Variants in CFAP97 observed in about 807,000 individuals in gnomAD.
CFAP97 encodes cilia and flagella associated protein 97, also known as cilia- and flagella-associated protein 97.
Under a neutral mutation model 43.1 loss-of-function variants are expected in CFAP97, and 36 were observed. That is an observed-to-expected ratio of 0.84 (90% CI 0.64 to 1.10). The LOEUF is 1.10. CFAP97 is among the 50% of genes least tolerant of loss of function. The pLI is 0.00. For synonymous variants in CFAP97, 228 were observed against 225.7 expected, an observed-to-expected ratio of 1.01 and a Z score of -0.09; for missense variants, 657 against 620.3, an observed-to-expected ratio of 1.06 and a Z score of -0.63.
At chr4:185,170,694 A>G (rs1579232788) in intron 3 of CFAP97, among the ~76,000 whole-genome samples, 1 of 151,596 alleles carries the variant, frequency 6.6e-6, no homozygotes, top group East Asian at 2.0e-4. Context: ...GTTTTTATGA[A>G]CTGCCTTAGG....
At chr4:185,191,514 C>T (rs1736254010) in intron 1 of CFAP97, among the ~76,000 whole-genome samples, 1 of 152,070 alleles carries the variant, frequency 6.6e-6, no homozygotes, top group African/African-American at 2.4e-5. Flanking sequence ...GGATAATCTG[C>T]CTTCTATAAA....
chr4:185,180,176 C>T (rs1483361590), intron 2 of CFAP97, among the ~76,000 whole-genome samples: 3 of 151,902 alleles, frequency 2.0e-5, no homozygotes, highest in Non-Finnish European at 4.4e-5. Flanking sequence ...TATTTTTTTC[C>T]CAATTCTGTT....
intron 1 of CFAP97, among the ~76,000 whole-genome samples, chr4:185,191,743 T>C (rs3108236): frequency 0.51 from 76,676 of 151,802 alleles, 19,581 homozygotes; most frequent in East Asian, 0.6. Context: ...AGCAGGAGAA[T>C]TGCTTGAACC....
intron 3 of CFAP97, among the ~76,000 whole-genome samples, chr4:185,174,197 C>T (rs1340368016): frequency 6.6e-6 from 1 of 151,736 alleles, no homozygotes; most frequent in African/African-American, 2.4e-5. Flanking sequence ...TTATTAAATG[C>T]GATCGGCCCA....
At chr4:185,170,046 G>A in intron 3 of CFAP97, 1 of 1,182,906 alleles carries the variant, frequency 8.5e-7, no homozygotes, top group South Asian at 4.0e-5. Flanking sequence ...CCACATAAGA[G>A]TTCTGAAGTT....
At chr4:185,203,482 G>A (rs1218626393) in intron 1 of CFAP97, among the ~76,000 whole-genome samples, 1 of 152,204 alleles carries the variant, frequency 6.6e-6, no homozygotes, top group East Asian at 1.9e-4. Flanking sequence ...CTGTTTCCAG[G>A]AACGCTAGGC....
Position 185,190,521 on chromosome 4 carries a change from C to T in CFAP97, c.676G>A (p.Gly226Arg). Residue 226 changes from glycine to arginine, a missense_variant, in exon 2 of 5, where the codon GGA becomes AGA. Physicochemically the swap from Gly to Arg is moderately radical, Grantham distance 125. Coordinates refer to ENST00000458385, the MANE Select transcript of CFAP97 (RefSeq NM_020827.3). ...LLSPKHKYKS[G>R]IKSTETQPSS... ...GGCTGTGTTTCTGTCGATTTTATTC[C>T]TGATTTATACTTGTGTTTTGGTGAC... The T allele has an allele frequency of 6.2e-7, 1 of 1,613,862 alleles. No individual in the cohort carries two copies. The highest frequency in any genetic ancestry group is 8.5e-7 in the Non-Finnish European group (1 of 1,179,848).
At chr4:185,206,480 T>C (rs901071406), upstream of CFAP97, among the ~76,000 whole-genome samples, 1 of 76,620 alleles carries the variant, frequency 1.3e-5, no homozygotes, top group African/African-American at 7.6e-5. Flanking sequence ...ACCAGCCCGA[T>C]GAACCCCATC....
chr4:185,186,374 A>G (rs1193119342), intron 2 of CFAP97, among the ~76,000 whole-genome samples: 2 of 152,162 alleles, frequency 1.3e-5, no homozygotes, highest in Non-Finnish European at 2.9e-5. Flanking sequence ...CAGAGGTTGC[A>G]GTGAGCCAAG....
upstream of CFAP97, among the ~76,000 whole-genome samples, chr4:185,206,660 C>CAAAAAAAAA (rs375061067): frequency 3.1e-4 from 24 of 77,408 alleles, no homozygotes; most frequent in African/African-American, 5.6e-4. Context: ...ACTCTTGTCT[C>CAAAAAAAAA]AAAAAAAAAA....
At position 185,190,901 on chromosome 4, in the gene CFAP97, C is replaced by T; in HGVS notation, c.296G>A (p.Arg99Lys). 6.2e-7 allele frequency: 1 copy of T among 1,613,154 alleles called. No individual in the cohort carries two copies. Among genetic ancestry groups the T allele is most frequent in the Non-Finnish European group, 8.5e-7 (1 of 1,179,512 alleles). ...VSSFSLPASS[R>K]SKKLCDVTTG... Reference sequence around the variant, plus strand: ...TGTAACATCACACAATTTTTTTGATCTTGAAGAGGCTGGCAATGAGAAAGA... The same window carrying T: ...TGTAACATCACACAATTTTTTTGATTTTGAAGAGGCTGGCAATGAGAAAGA... Residue 99 changes from arginine to lysine, a missense_variant, in exon 2 of 5, where the codon AGA (arginine) becomes AAA (lysine). Coordinates refer to ENST00000458385, the MANE Select transcript of CFAP97 (RefSeq NM_020827.3).
At position 185,190,878 on chromosome 4, in the gene CFAP97, T is replaced by C. The variant is rs373148080; in HGVS notation, c.319A>G (p.Thr107Ala). The change falls in exon 2 of 5, where the codon ACA becomes GCA. Residue 107 changes from threonine (T) to alanine (A), a missense_variant. By Grantham distance (58) the Thr-to-Ala change is moderately conservative. Coordinates refer to ENST00000458385, the MANE Select transcript of CFAP97 (RefSeq NM_020827.3). ...SSRSKKLCDVTTGLKIHVSIP... is the reference protein window; with the variant it reads ...SSRSKKLCDVATGLKIHVSIP... Reference sequence around the variant, plus strand: ...GACACGTGTATTTTAAGTCCTGTTGTAACATCACACAATTTTTTTGATCTT... The same window carrying C: ...GACACGTGTATTTTAAGTCCTGTTGCAACATCACACAATTTTTTTGATCTT... The C allele has an allele frequency of 1.4e-5, 23 of 1,612,736 alleles. No individual in the cohort carries two copies. The highest frequency in any genetic ancestry group is 2.2e-5 in the East Asian group (1 of 44,880).
rs184288013 is a variant in CFAP97 at position 185,181,291 on chromosome 4, A to C, written c.1055-5240T>G. Among the ~76,000 whole-genome samples the C allele has an allele frequency of 1.3e-4, 19 of 151,514 alleles. No individual in the cohort carries two copies. In the Middle Eastern group the frequency reaches 0.01, roughly 82 times the overall value. The stretch of plus-strand genomic sequence containing the variant: ...AATAAAAATAAAAAAAAATTAATTA[A>C]ATAAAAAGCAAATCAAGGCATAATC... On this transcript the variant is annotated intron_variant, in intron 2 of 4. Transcript: ENST00000458385.
chr4:185,173,363 A>T (rs1318008514), intron 3 of CFAP97, among the ~76,000 whole-genome samples: 1 of 7,672 alleles, frequency 1.3e-4, no homozygotes, highest in African/African-American at 1.4e-4. Context: ...TCCGTCTCTT[A>T]AAAAAAAAAA....
At chr4:185,175,762 T>C (rs945000520) in intron 3 of CFAP97, 24 bp downstream of exon 3, 1 of 1,602,218 alleles carries the variant, frequency 6.2e-7, no homozygotes, top group African/African-American at 1.3e-5. Context: ...TTTTCTTTGA[T>C]GACTAATTAT....
chr4:185,194,346 G>A (rs971430817), intron 1 of CFAP97, among the ~76,000 whole-genome samples: 6 of 152,060 alleles, frequency 3.9e-5, no homozygotes, highest in African/African-American at 1.2e-4. Flanking sequence ...AAAATTAGCC[G>A]GGTGTGGCAG....
At chr4:185,182,436 T>C (rs1735829940) in intron 2 of CFAP97, 1 of 152,182 alleles carries the variant, frequency 6.6e-6, no homozygotes, top group African/African-American at 2.4e-5. Flanking sequence ...ATTCAGAAAT[T>C]CGACTAATCT....
chr4:185,175,877 G>A lies in CFAP97; in HGVS notation c.1229C>T (p.Thr410Ile), dbSNP rs1427896636. ...GGGATGATCAGCCGATCTAGGAATT[G>A]TACTTTTGCTTCCCGGCTTTTCCGC... ...RQAEKPGSKS[T>I]IPRSADHPPK... Residue 410 changes from threonine (T) to isoleucine (I), a missense_variant, in exon 3 of 5, where the codon ACA becomes ATA. By Grantham distance (89) the Thr-to-Ile change is moderately conservative. Transcript: ENST00000458385. 15 of 1,613,772 alleles carry A rather than the reference G, an allele frequency of 9.3e-6. No individual in the cohort carries two copies. Among genetic ancestry groups the A allele is most frequent in the Non-Finnish European group, 1.3e-5 (15 of 1,179,862 alleles).
chr4:185,185,129 T>C (rs1232297012), intron 2 of CFAP97, among the ~76,000 whole-genome samples: 1 of 152,198 alleles, frequency 6.6e-6, no homozygotes, highest in African/African-American at 2.4e-5. Context: ...TACTTTTTAA[T>C]GCCAAACAAT....
Sources: allele counts gnomAD v4.1 joint callset (sites outside exome capture counted in the v4.1 genomes callset), GRCh38; gene constraint gnomAD v4.1.1; transcripts MANE v1.5; gene names NCBI Gene and HGNC (gene_info 2026-07-23, HGNC 2026-07-21).